SIRPG: variants seen among roughly 807,000 people sequenced by gnomAD.
SIRPG encodes the protein signal-regulatory protein gamma.
Under a neutral mutation model 35.7 loss-of-function variants are expected in SIRPG, and 38 were observed. The ratio of observed to expected loss-of-function variants is 1.06; its 90% confidence interval spans 0.82 to 1.40. The LOEUF is 1.40. Ranked by LOEUF, SIRPG falls within the 40% of genes most tolerant of loss-of-function variation. The pLI is 0.00. For synonymous variants in SIRPG, 215 were observed against 190.4 expected (o/e 1.13, Z -1.06); for missense variants, 519 against 483.0 (o/e 1.07, Z -0.70).
In SIRPG at chr20:1,650,002, GTGTATA is replaced by G. The variant is rs1181316488; in HGVS notation, c.74-600_74-595del. 1.1e-3 allele frequency among the ~76,000 whole-genome samples: 88 copies of G among 81,370 alleles called. 2 individuals are homozygous for G. The highest frequency in any genetic ancestry group is 1.9e-3 in the South Asian group (5 of 2,566). 53.4% of individuals were successfully genotyped at this position (81,370 alleles called of 152,430 possible). ...GAACTCCTGAACTCTACTTTGAAGT[GTGTATA>G]TATATATATATATATATATGTCATA... On this transcript the variant is annotated intron_variant, in intron 1 of 5. Transcript: ENST00000303415.
intron 4 of SIRPG, among the ~76,000 whole-genome samples, chr20:1,634,998 G>A (rs1433185445): frequency 1.3e-5 from 2 of 151,538 alleles, no homozygotes; most frequent in South Asian, 2.1e-4. Context: ...AGCAGAGATC[G>A]CGCCACTGCA....
At chr20:1,674,193 G>A in the SIRPG span, among the ~76,000 whole-genome samples, 1 of 151,484 alleles carries the variant, frequency 6.6e-6, no homozygotes, top group East Asian at 2.0e-4. Context: ...TTTTTTTTAG[G>A]AGGGAGCCTT....
chr20:1,681,914 A>G, the SIRPG span, among the ~76,000 whole-genome samples: 1 of 152,092 alleles, frequency 6.6e-6, no homozygotes, highest in African/African-American at 2.4e-5. Context: ...TGGACATTAG[A>G]TGATGAGGAT....
At chr20:1,681,030 T>C in the SIRPG span, among the ~76,000 whole-genome samples, 10 of 152,234 alleles carry the variant, frequency 6.6e-5, no homozygotes, top group East Asian at 1.9e-3. Context: ...AATAAATATG[T>C]GTATAATGTG....
At chr20:1,669,975 T>A in the SIRPG span, 1 of 239,396 alleles carries the variant, frequency 4.2e-6, no homozygotes, top group Non-Finnish European at 9.4e-6. Flanking sequence ...AGGCTTTTGC[T>A]GACCACCAGC....
the SIRPG span, among the ~76,000 whole-genome samples, chr20:1,664,399 G>A: frequency 5.3e-5 from 8 of 152,180 alleles, no homozygotes; most frequent in African/African-American, 1.9e-4. Flanking sequence ...AGATGGAGTA[G>A]GCGGGAATCC....
intron 4 of SIRPG, among the ~76,000 whole-genome samples, chr20:1,633,069 C>CT (rs2091764327): frequency 6.6e-6 from 1 of 152,014 alleles, no homozygotes; most frequent in Non-Finnish European, 1.5e-5. Context: ...GGGATATCGC[C>CT]ATAACCCTTC....
the SIRPG span, among the ~76,000 whole-genome samples, chr20:1,668,223 CTTTCTTTCTTTCTTTCTTTCTTTCTT>C: frequency 0.015 from 1,181 of 78,274 alleles, 23 homozygotes; most frequent in African/African-American, 0.047. Context: ...TTCTTTCTTT[CTTTCTTTCTTTCTTTCTTTCTTTCTT>C]TTTCTTTTTC....
At position 1,636,184 on chromosome 20, in the gene SIRPG, C is replaced by G; in HGVS notation, c.748+4G>C. The G allele has an allele frequency of 1.2e-6, 2 of 1,614,102 alleles. No individual in the cohort carries two copies. Among genetic ancestry groups the G allele is most frequent in the Admixed American group, 1.7e-5 (1 of 60,016 alleles). ...GGCTTGGGCTGGGTGTGAGGGTCCTCTACCTCGGATGGCCTCAGACAAGTT... is the reference window on the plus strand; with the variant it reads ...GGCTTGGGCTGGGTGTGAGGGTCCTGTACCTCGGATGGCCTCAGACAAGTT... On this transcript the variant is annotated splice_donor_region_variant and intron_variant, in intron 3 of 5. Coordinates refer to ENST00000303415, the MANE Select transcript of SIRPG (RefSeq NM_018556.4).
At chr20:1,651,542 C>G (rs1372165576) in intron 1 of SIRPG, among the ~76,000 whole-genome samples, 3 of 152,074 alleles carry the variant, frequency 2.0e-5, no homozygotes, top group Admixed American at 1.3e-4. Context: ...AGATGAAATT[C>G]TCATGACCAG....
the SIRPG span, among the ~76,000 whole-genome samples, chr20:1,668,302 T>A: frequency 6.6e-6 from 1 of 151,384 alleles, no homozygotes; most frequent in South Asian, 2.1e-4. Flanking sequence ...TTTCTTTTTT[T>A]GACAGAGTCT....
the SIRPG span, among the ~76,000 whole-genome samples, chr20:1,679,784 G>T: frequency 1.3e-5 from 2 of 152,120 alleles, no homozygotes; most frequent in Non-Finnish European, 2.9e-5. Context: ...GTTCCTAGGA[G>T]ATTCCCTTTG....
At chr20:1,631,973 T>C (rs1568722249) in intron 4 of SIRPG, among the ~76,000 whole-genome samples, 1 of 152,178 alleles carries the variant, frequency 6.6e-6, no homozygotes, top group East Asian at 1.9e-4. Flanking sequence ...CACTTTCTTA[T>C]CTCTTGTGGC....
chr20:1,659,939 A>G (rs1363497691), upstream of SIRPG, among the ~76,000 whole-genome samples: 1 of 152,264 alleles, frequency 6.6e-6, no homozygotes, highest in African/African-American at 2.4e-5. Flanking sequence ...TTTGAGGAAC[A>G]GCACTGCAGC....
upstream of SIRPG, among the ~76,000 whole-genome samples, chr20:1,661,634 T>G (rs2091996143): frequency 2.0e-5 from 3 of 152,200 alleles, no homozygotes; most frequent in Admixed American, 2.0e-4. Flanking sequence ...GACTCTACTC[T>G]GCAGGAAAGG....
chr20:1,634,246 G>A (rs999534742), intron 4 of SIRPG, among the ~76,000 whole-genome samples: 77 of 139,038 alleles, frequency 5.5e-4, no homozygotes, highest in African/African-American at 2.0e-3. Context: ...TCGCTCTGTC[G>A]CCCAGGCTGG....
chr20:1,679,346 C>A, the SIRPG span, among the ~76,000 whole-genome samples: 21,657 of 152,132 alleles, frequency 0.14, 2,555 homozygotes, highest in East Asian at 0.59. Flanking sequence ...AGCACCCTAC[C>A]AAATGACCAG....
intron 2 of SIRPG, among the ~76,000 whole-genome samples, chr20:1,644,905 C>T (rs780042863): frequency 5.3e-5 from 8 of 152,160 alleles, no homozygotes; most frequent in Non-Finnish European, 8.8e-5. Flanking sequence ...AACCTGGATA[C>T]TTCAGTTGGT....
At chr20:1,675,089 C>CA in the SIRPG span, among the ~76,000 whole-genome samples, 2 of 152,250 alleles carry the variant, frequency 1.3e-5, no homozygotes, top group Middle Eastern at 6.8e-3. Context: ...TGCCCGGGCC[C>CA]AGATACCCTG....
Sources: gnomAD v4.1 joint callset for allele counts (sites outside exome capture counted in the v4.1 genomes callset) on GRCh38, gnomAD v4.1.1 for gene constraint, MANE v1.5 for transcripts, NCBI Gene and HGNC (gene_info 2026-07-23, HGNC 2026-07-21) for gene names.